Variants in TDRD10 observed in about 807,000 individuals in gnomAD.
TDRD10 encodes tudor domain-containing protein 10.
Under a neutral mutation model 48.0 loss-of-function variants are expected in TDRD10, and 40 were observed. That is an observed-to-expected ratio of 0.83 (90% CI 0.65 to 1.09). The LOEUF (loss-of-function observed/expected upper bound fraction) is 1.09. TDRD10 is among the 50% of genes least tolerant of loss of function. The probability of loss-of-function intolerance (pLI) is 0.00; values close to 1 mark genes in which losing one functional copy is unlikely to be tolerated. For synonymous variants in TDRD10, 162 were observed against 170.4 expected, an observed-to-expected ratio of 0.95 and a Z score of 0.38; for missense variants, 378 against 434.7, an observed-to-expected ratio of 0.87 and a Z score of 1.16.
chr1:154,521,209 A>C, intron 5 of TDRD10, 114 bp from the exon 6 acceptor site: 1 of 1,038,628 alleles, frequency 9.6e-7, no homozygotes, highest in Non-Finnish European at 1.4e-6. Flanking sequence ...TTCATCTTCC[A>C]TCACTGCAGA....
chr1:154,511,333 T>C (rs1274894181), intron 4 of TDRD10, among the ~76,000 whole-genome samples: 1 of 151,638 alleles, frequency 6.6e-6, no homozygotes, highest in Non-Finnish European at 1.5e-5. Flanking sequence ...AAATTTATTG[T>C]TTAAAAATGT....
chr1:154,537,985 C>T (rs898313795), intron 6 of TDRD10, among the ~76,000 whole-genome samples: 4 of 152,130 alleles, frequency 2.6e-5, no homozygotes, highest in African/African-American at 9.7e-5. Flanking sequence ...CTGTGGCTTC[C>T]GTGTGGCCAC....
chr1:154,502,630 G>T lies in TDRD10; in HGVS notation c.-427G>T, dbSNP rs1035006780. On this transcript the variant is annotated 5_prime_UTR_variant, in exon 1 of 13. Transcript: ENST00000368482. ...AGAGAGCCCCCTTCTGCCGCCGACA[G>T]CCCGCGTCTGCACCGAGCCGGTCTC... 2.0e-5 allele frequency: 3 copies of T among 152,274 alleles called. No homozygotes were observed. Among genetic ancestry groups the T allele is most frequent in the African/African-American group, 7.2e-5 (3 of 41,450 alleles). The allele number at this position is 152,274 out of a possible 1,614,324, so 9.4% of individuals were successfully genotyped here. A position where few individuals can be genotyped will look rare whatever the true frequency, so the allele number is the denominator to read the frequency against.
chr1:154,505,275 A>G (rs1205424215), intron 1 of TDRD10, among the ~76,000 whole-genome samples: 1 of 152,238 alleles, frequency 6.6e-6, no homozygotes, highest in African/African-American at 2.4e-5. Flanking sequence ...GCTGCTTAGC[A>G]TAGTACCTGG....
chr1:154,543,827 T>C, intron 8 of TDRD10, 136 bp from the exon 9 acceptor site: 1 of 1,325,254 alleles, frequency 7.5e-7, no homozygotes, highest in Admixed American at 2.3e-5. Context: ...CTAGAGGGGG[T>C]GGGCACAGCC....
At chr1:154,507,192 G>A (rs1359351735) in intron 2 of TDRD10, 49 bp from the exon 3 acceptor site, 1 of 1,611,994 alleles carries the variant, frequency 6.2e-7, no homozygotes, top group Admixed American at 1.7e-5. Flanking sequence ...GTTTCCTTTT[G>A]TCGGAGTCTG....
At chr1:154,541,815 C>T (rs1695248940) in intron 6 of TDRD10, 1 of 525,432 alleles carries the variant, frequency 1.9e-6, no homozygotes. Context: ...CCTGCCTTCC[C>T]TGCTTCTGAT....
At chr1:154,508,060 T>G (rs1693247789) in intron 3 of TDRD10, among the ~76,000 whole-genome samples, 1 of 152,222 alleles carries the variant, frequency 6.6e-6, no homozygotes, top group South Asian at 2.1e-4. Flanking sequence ...AGTGATCCCC[T>G]GCTGGGAAGG....
rs1362983929 is a variant in TDRD10 at position 154,544,500 on chromosome 1, T to C, written c.780T>C (p.Tyr260=). The C allele has an allele frequency of 7.4e-6, 12 of 1,613,950 alleles. No individual in the cohort carries two copies. Among genetic ancestry groups the C allele is most frequent in the Non-Finnish European group, 8.5e-6 (10 of 1,179,990 alleles). ...RCLAEYHLGD[Y]GHAWNRCWVL... ...TGGCAGAGTACCACCTGGGGGATTA[T>C]GGACACGCCTGGAACAGGTGTGTGC... Residue 260 remains tyrosine, a synonymous_variant, in exon 10 of 13, where the codon TAT becomes TAC. Transcript: ENST00000368482.
intron 4 of TDRD10, among the ~76,000 whole-genome samples, chr1:154,510,169 T>G (rs1358885365): frequency 6.6e-6 from 1 of 150,896 alleles, no homozygotes; most frequent in Non-Finnish European, 1.5e-5. Context: ...TTTGGGAGGC[T>G]GAGGCAGAAG....
Position 154,502,733 on chromosome 1 carries a change from C to G in TDRD10, c.-324C>G, listed in dbSNP as rs1367101347. 1 of 152,280 alleles carries G rather than the reference C, an allele frequency of 6.6e-6. No individual in the cohort carries two copies. Among genetic ancestry groups the G allele is most frequent in the Non-Finnish European group, 1.5e-5 (1 of 68,086 alleles). 9.4% of individuals were successfully genotyped at this position (152,280 alleles called of 1,614,324 possible). A position where few individuals can be genotyped will look rare whatever the true frequency, so the allele number is the denominator to read the frequency against. ...CCCGGGAAGGAAGCCCCTCGCCCAC[C>G]CACTCCGCTCTACTCCACTCTTTCT... On this transcript the variant is annotated 5_prime_UTR_variant, in exon 1 of 13. Coordinates refer to ENST00000368482, the MANE Select transcript of TDRD10 (RefSeq NM_182499.4).
intron 6 of TDRD10, among the ~76,000 whole-genome samples, chr1:154,524,508 T>A (rs1570934456): frequency 6.6e-6 from 1 of 152,170 alleles, no homozygotes; most frequent in East Asian, 1.9e-4. Context: ...ATATTATGGA[T>A]GCTATATCAT....
At position 154,547,732 on chromosome 1, in the gene TDRD10, C is replaced by T. The variant is rs761854895; in HGVS notation, c.*22C>T. The T allele has an allele frequency of 6.2e-7, 1 of 1,612,708 alleles. No individual in the cohort carries two copies. The highest frequency in any genetic ancestry group is 8.5e-7 in the Non-Finnish European group (1 of 1,179,826). ...ATAACGGGGCTTCCCTCAGCATGTTCCCTCTCCTGTTTGCCACGGATCCAG... is the reference window on the plus strand; with the variant it reads ...ATAACGGGGCTTCCCTCAGCATGTTTCCTCTCCTGTTTGCCACGGATCCAG... On this transcript the variant is annotated 3_prime_UTR_variant, in exon 13 of 13. Coordinates refer to ENST00000368482, the MANE Select transcript of TDRD10 (RefSeq NM_182499.4).
chr1:154,504,102 A>G (rs182950464), intron 1 of TDRD10, among the ~76,000 whole-genome samples: 1 of 152,332 alleles, frequency 6.6e-6, no homozygotes, highest in East Asian at 1.9e-4. Context: ...AGATTTGTCT[A>G]GTCAGGACTT....
chr1:154,503,235 G>C (rs2149305304), intron 1 of TDRD10, among the ~76,000 whole-genome samples: 1 of 152,268 alleles, frequency 6.6e-6, no homozygotes, highest in East Asian at 1.9e-4. Flanking sequence ...GTGCAGAACT[G>C]TGGCCACTTT....
At chr1:154,541,114 T>A (rs1310651807) in intron 6 of TDRD10, among the ~76,000 whole-genome samples, 1 of 152,094 alleles carries the variant, frequency 6.6e-6, no homozygotes, top group African/African-American at 2.4e-5. Context: ...GTGAGGTCAG[T>A]CAGAGTCTTT....
intron 1 of TDRD10, 109 bp from the exon 2 acceptor site, chr1:154,506,768 C>A: frequency 2.2e-6 from 2 of 903,498 alleles, no homozygotes; most frequent in South Asian, 2.8e-5. Flanking sequence ...GGATGTGGAC[C>A]ACTTTTGGTT....
Position 154,506,862 on chromosome 1 carries a change from C to T in TDRD10, c.-27-15C>T, listed in dbSNP as rs771379378. The T allele has an allele frequency of 7.9e-5, 127 of 1,609,406 alleles. No homozygotes were observed. The highest frequency in any genetic ancestry group is 1.6e-4 in the Middle Eastern group (1 of 6,076). ...ATCCTGGCATTCCTCTAACTGTGGC[C>T]GGTTGGTTTTGTAGGAGATCCTGTT... On this transcript the variant is annotated splice_polypyrimidine_tract_variant and intron_variant, in intron 1 of 12. Transcript: ENST00000368482.
At chr1:154,539,192 C>T (rs1385104539) in intron 6 of TDRD10, among the ~76,000 whole-genome samples, 3 of 152,230 alleles carry the variant, frequency 2.0e-5, no homozygotes, top group Non-Finnish European at 2.9e-5. Context: ...GTCCTGAGCC[C>T]AACTAAATCC....
Sources: allele counts gnomAD v4.1 joint callset (sites outside exome capture counted in the v4.1 genomes callset), GRCh38; gene constraint gnomAD v4.1.1; transcripts MANE v1.5; gene names NCBI Gene and HGNC (gene_info 2026-07-23, HGNC 2026-07-21).